SCN3A: variants seen among roughly 807,000 people sequenced by gnomAD.
The protein encoded by SCN3A is sodium channel protein type 3 subunit alpha.
A neutral mutation model predicts 187.6 loss-of-function variants in SCN3A; 60 were observed. The observed-to-expected ratio is 0.32, with a 90% confidence interval of 0.26 to 0.40. The LOEUF is 0.40. SCN3A is among the 10% of genes least tolerant of loss of function. The pLI is 1.00. For missense variants in SCN3A, 1,601 were observed against 2,428.2 expected (o/e 0.66, Z 7.16); for synonymous variants, 788 against 829.2 (o/e 0.95, Z 0.85).
intron 9 of SCN3A, among the ~76,000 whole-genome samples, chr2:165,161,326 A>T (rs771935634): frequency 6.6e-6 from 1 of 151,940 alleles, no homozygotes; most frequent in Non-Finnish European, 1.5e-5. Flanking sequence ...ACGATGAGTA[A>T]ACTAAGGTAC....
chr2:165,161,163 G>GTTTTT (rs1689369222), intron 9 of SCN3A, among the ~76,000 whole-genome samples: 1 of 49,072 alleles, frequency 2.0e-5, no homozygotes, highest in Non-Finnish European at 4.6e-5. Context: ...TTTTTTTTTT[G>GTTTTT]TTTTGTAGAG....
In SCN3A at chr2:165,097,539, G is replaced by C; in HGVS notation, c.3967-15C>G. The C allele has an allele frequency of 6.2e-7, 1 of 1,612,838 alleles. No individual in the cohort carries two copies. On this transcript the variant is annotated splice_polypyrimidine_tract_variant and intron_variant, in intron 22 of 27. Transcript: ENST00000283254. ...TTCACAACCACCTAGAAGAGACAGC[G>C]AGGGGAACATAGCTTACAAACCTTT...
chr2:165,177,574 G>A (rs1690545493), intron 2 of SCN3A, among the ~76,000 whole-genome samples: 1 of 152,056 alleles, frequency 6.6e-6, no homozygotes, highest in Non-Finnish European at 1.5e-5. Context: ...ACAAGTTCTT[G>A]CTGTGCTGGA....
chr2:165,130,891 C>T (rs118144996), intron 16 of SCN3A, among the ~76,000 whole-genome samples: 21 of 152,122 alleles, frequency 1.4e-4, no homozygotes, highest in Middle Eastern at 3.4e-3. Flanking sequence ...AGTCCCCATT[C>T]CTAGAAGTAG....
At chr2:165,176,607 C>T (rs1690485037) in intron 2 of SCN3A, among the ~76,000 whole-genome samples, 163 bp from the exon 3 acceptor site, 5 of 152,116 alleles carry the variant, frequency 3.3e-5, no homozygotes. Flanking sequence ...CATCATTCAA[C>T]CTCATTCTCA....
At chr2:165,147,124 C>A (rs937123198) in intron 11 of SCN3A, 95 bp from the exon 12 acceptor site, 2 of 1,408,326 alleles carry the variant, frequency 1.4e-6, no homozygotes, top group Admixed American at 1.9e-5. Flanking sequence ...TCATTAACTA[C>A]AAGTGAAAAG....
intron 9 of SCN3A, 132 bp from the exon 10 acceptor site, chr2:165,156,035 C>CT: frequency 9.2e-7 from 1 of 1,081,430 alleles, no homozygotes; most frequent in Non-Finnish European, 1.4e-6. Context: ...TTCCAGAACA[C>CT]TTTAGGTGAT....
intron 18 of SCN3A, among the ~76,000 whole-genome samples, chr2:165,123,137 A>G (rs1686793209): frequency 6.6e-6 from 1 of 152,178 alleles, no homozygotes; most frequent in Non-Finnish European, 1.5e-5. Context: ...TCTACATTAG[A>G]GCTCCTCAAA....
intron 12 of SCN3A, 107 bp downstream of exon 12, chr2:165,146,632 G>A: frequency 8.9e-7 from 1 of 1,129,868 alleles, no homozygotes; most frequent in Admixed American, 1.8e-5. Flanking sequence ...TTAGTTCCCT[G>A]TCCCTCACTG....
At position 165,176,250 on chromosome 2, in the gene SCN3A, G is replaced by A. The variant is rs2105924636; in HGVS notation, c.145C>T (p.Pro49Ser). ...GCTTCCAAGTCACTATTTGGCTTTG[G>A]TTTGTTCTCATCATCATTATCTTGT... is the stretch of plus-strand genomic sequence containing the variant. ...KEQDNDDENKPKPNSDLEAGK... is the reference protein window; with the variant it reads ...KEQDNDDENKSKPNSDLEAGK... The change falls in exon 3 of 28, where the codon CCA becomes TCA. Residue 49 changes from proline (P) to serine (S), a missense_variant. Physicochemically the swap from Pro to Ser is moderately conservative, Grantham distance 74. This residue lies in a region of SCN3A where 74 missense variants were observed against 77.7 expected (regional missense o/e 0.95). Coordinates refer to ENST00000283254, the MANE Select transcript of SCN3A (RefSeq NM_006922.4). 2.5e-6 allele frequency: 4 copies of A among 1,612,694 alleles called. No individual in the cohort carries two copies. The highest frequency in any genetic ancestry group is 3.4e-6 in the Non-Finnish European group (4 of 1,179,418).
intron 5 of SCN3A, among the ~76,000 whole-genome samples, 193 bp downstream of exon 5, chr2:165,168,543 A>G (rs910905299): frequency 6.6e-6 from 1 of 152,040 alleles, no homozygotes; most frequent in Non-Finnish European, 1.5e-5. Context: ...AGATATTGTC[A>G]TGATTTTGTT....
At chr2:165,184,669 A>T (rs1291270737) in intron 2 of SCN3A, among the ~76,000 whole-genome samples, 1 of 152,162 alleles carries the variant, frequency 6.6e-6, no homozygotes, top group Non-Finnish European at 1.5e-5. Flanking sequence ...TATAGTCCTT[A>T]TCTTTATTTC....
chr2:165,153,987 ATTTTTTTTTTTT>A (rs71393659), intron 11 of SCN3A, among the ~76,000 whole-genome samples: 1 of 92,772 alleles, frequency 1.1e-5, no homozygotes, highest in Non-Finnish European at 1.9e-5. Flanking sequence ...TATAGCAAAC[ATTTTTTTTTTTT>A]TTTTTTTTTG....
chr2:165,104,706 G>T (rs1430025294), intron 21 of SCN3A, among the ~76,000 whole-genome samples: 2 of 151,912 alleles, frequency 1.3e-5, no homozygotes, highest in African/African-American at 4.8e-5. Context: ...GCTCAAATTA[G>T]AAAAATATTC....
rs73969182 is a variant in SCN3A at position 165,105,157 on chromosome 2, G to A, written c.3844-4733C>T. Among the ~76,000 whole-genome samples, 856 of 152,226 alleles carry A rather than the reference G, an allele frequency of 5.6e-3. 3 individuals carry two copies. The highest frequency in any genetic ancestry group is 0.02 in the African/African-American group (822 of 41,534). ...TAAAATTTTGTATACAGGAAAGCTA[G>A]ACACTCTTGAGTCCCTTCACCCAAC... On this transcript the variant is annotated intron_variant, in intron 21 of 27. Transcript: ENST00000283254.
intron 5 of SCN3A, among the ~76,000 whole-genome samples, chr2:165,166,701 T>C (rs1689780913): frequency 6.6e-6 from 1 of 152,198 alleles, no homozygotes; most frequent in African/African-American, 2.4e-5. Context: ...TTTGGGGTAG[T>C]AACCACTACT....
chr2:165,100,274 G>A (rs1356200632), intron 22 of SCN3A, 28 bp downstream of exon 22: 3 of 1,609,852 alleles, frequency 1.9e-6, no homozygotes, highest in Non-Finnish European at 1.7e-6. Flanking sequence ...ATTTTGACAT[G>A]AATAATTAGA....
Position 165,090,278 on chromosome 2 carries a change from CTG to C in SCN3A, c.5873_5874del (p.Thr1958ArgfsTer13). 6.2e-7 allele frequency: 1 copy of C among 1,612,846 alleles called. No individual in the cohort carries two copies. The highest frequency in any genetic ancestry group is 8.5e-7 in the Non-Finnish European group (1 of 1,179,288). ...KLNGNSTPEK[T>X]DGSSSTTSPP... is the part of the protein sequence containing the mutation. ...GGAGAGGTGGTAGAGGAACTCCCATCTGTTTTTTCTGGAGTGGAGTTCCCATT... is the reference window on the plus strand; with the variant it reads ...GGAGAGGTGGTAGAGGAACTCCCATCTTTTTTCTGGAGTGGAGTTCCCATT... On this transcript the variant is annotated frameshift_variant, in exon 28 of 28. Transcript: ENST00000283254. LOFTEE classifies it high-confidence loss of function. This position sits in a 1 kb window ranked among gnomAD's most constrained non-coding sequence, Gnocchi z 4.0.
In SCN3A at chr2:165,131,232, A is replaced by G. The variant is rs1365509089; in HGVS notation, c.2565+12T>C. On this transcript the variant is annotated intron_variant, in intron 16 of 27. Coordinates refer to ENST00000283254, the MANE Select transcript of SCN3A (RefSeq NM_006922.4). Reference sequence around the variant, plus strand: ...GTGCCAATGAGCGACAGGGATATATATAAATAGATACCAGTCTGAATGATC... The same window carrying G: ...GTGCCAATGAGCGACAGGGATATATGTAAATAGATACCAGTCTGAATGATC... The G allele has an allele frequency of 5.8e-6, 9 of 1,562,806 alleles. 1 individual carries two copies. In the South Asian group the frequency reaches 9.7e-5, roughly 17 times the overall value.
Sources: gnomAD v4.1 joint callset for allele counts (sites outside exome capture counted in the v4.1 genomes callset) on GRCh38, gnomAD v4.1.1 for gene constraint, gnomAD v4.1.1 regional missense constraint, Gnocchi (gnomAD v3.1) non-coding constraint, MANE v1.5 for transcripts, NCBI Gene and HGNC (gene_info 2026-07-23, HGNC 2026-07-21) for gene names.